CNTNAP2: variants seen among roughly 807,000 people sequenced by gnomAD.
CNTNAP2 encodes the protein contactin-associated protein-like 2.
In CNTNAP2, 98 loss-of-function variants were observed where a neutral mutation model predicts 155.2. The observed-to-expected ratio is 0.63, with a 90% CI of 0.54 to 0.75. The LOEUF is 0.75. Among genes scored for constraint, CNTNAP2 ranks in the 30% least tolerant of loss-of-function variants. The pLI is 0.00. For synonymous variants in CNTNAP2, 651 were observed against 631.2 expected, an observed-to-expected ratio of 1.03 and a Z score of -0.47; for missense variants, 1,727 against 1,688.1, an observed-to-expected ratio of 1.02 and a Z score of -0.40.
chr7:146,915,551 G>GT (rs1007756957), intron 3 of CNTNAP2, among the ~76,000 whole-genome samples: 4 of 151,830 alleles, frequency 2.6e-5, no homozygotes, highest in African/African-American at 9.7e-5. Context: ...TATATTCTAA[G>GT]TTTTTTTGTT....
Position 147,395,746 on chromosome 7 carries a change from A to G in CNTNAP2, c.1636A>G (p.Asn546Asp), listed in dbSNP as rs142149051. Residue 546 changes from asparagine (N) to aspartate (D), a missense_variant, in exon 10 of 24, where the codon AAT (asparagine) becomes GAT (aspartate). Asn to Asp is a conservative substitution (Grantham distance 23). Coordinates refer to ENST00000361727, the MANE Select transcript of CNTNAP2 (RefSeq NM_014141.6). ...ACAAAGGAAGCCGGGAAGTTTCGCG[A>G]ATGTCAGCATTGACATGTGTGCGAT... ...VAQRKPGSFA[N>D]VSIDMCAIID... The G allele has an allele frequency of 3.5e-5, 57 of 1,612,472 alleles. No individual in the cohort carries two copies. In the East Asian group the frequency reaches 1.2e-3, roughly 33 times the overall value.
At chr7:147,189,855 C>T (rs958830030) in intron 8 of CNTNAP2, among the ~76,000 whole-genome samples, 6 of 152,108 alleles carry the variant, frequency 3.9e-5, no homozygotes, top group African/African-American at 1.4e-4. Context: ...CACCATTCTC[C>T]TGCCTCAGCC....
rs1391723752 is a variant in CNTNAP2, at chr7:148,172,303, G to A, written c.2835G>A (p.Val945=). 3.1e-6 allele frequency: 5 copies of A among 1,614,040 alleles called. No individual in the cohort carries two copies. Residue 945 remains valine (V), a synonymous_variant, in exon 18 of 24, where the codon GTG becomes GTA. Coordinates refer to ENST00000361727, the MANE Select transcript of CNTNAP2 (RefSeq NM_014141.6). ...GCIRSLRMNG[V]TLDLEERAKV... ...TCCGCTCCTTGAGGATGAATGGGGT[G>A]ACACTTGACCTGGAGGAAAGAGCAA...
chr7:147,276,752 G>GT (rs1335286828), intron 8 of CNTNAP2, among the ~76,000 whole-genome samples: 1 of 151,644 alleles, frequency 6.6e-6, no homozygotes, highest in African/African-American at 2.4e-5. Flanking sequence ...ACTATGTTAG[G>GT]TTTTTTATAC....
chr7:146,332,941 ATTTTTTTT>A (rs4016094), intron 1 of CNTNAP2, among the ~76,000 whole-genome samples: 8 of 102,456 alleles, frequency 7.8e-5, no homozygotes, highest in Non-Finnish European at 1.4e-4. Context: ...TTCTTCTTCT[ATTTTTTTT>A]TTTTTTTTTT....
intron 1 of CNTNAP2, among the ~76,000 whole-genome samples, chr7:146,280,562 C>T (rs1397718205): frequency 6.6e-6 from 1 of 152,134 alleles, no homozygotes; most frequent in Non-Finnish European, 1.5e-5. Flanking sequence ...AATGAACCCT[C>T]ATTGGAGAGT....
At position 146,357,332 on chromosome 7, in the gene CNTNAP2, A is replaced by T. The variant is rs189089343; in HGVS notation, c.97+240359A>T. Among the ~76,000 whole-genome samples, 823 of 152,068 alleles carry T rather than the reference A, an allele frequency of 5.4e-3. 3 individuals are homozygous for T. The highest frequency in any genetic ancestry group is 0.01 in the Middle Eastern group (3 of 294). Reference sequence around the variant, plus strand: ...CCTTAAAAAATAAATGACCCTAATCATTGCTTTTTTCTAACATAAAATAAT... The same window carrying T: ...CCTTAAAAAATAAATGACCCTAATCTTTGCTTTTTTCTAACATAAAATAAT... On this transcript the variant is annotated intron_variant, in intron 1 of 23. Coordinates refer to ENST00000361727, the MANE Select transcript of CNTNAP2 (RefSeq NM_014141.6).
intron 9 of CNTNAP2, among the ~76,000 whole-genome samples, chr7:147,311,128 T>G (rs1795118235): frequency 6.6e-6 from 1 of 152,078 alleles, no homozygotes; most frequent in Admixed American, 6.6e-5. Flanking sequence ...GCAGGGTTCT[T>G]TTGCTAAAAC....
chr7:146,601,896 A>C (rs1452201718), intron 1 of CNTNAP2, among the ~76,000 whole-genome samples: 1 of 152,134 alleles, frequency 6.6e-6, no homozygotes, highest in Non-Finnish European at 1.5e-5. Flanking sequence ...TAAAAGATCT[A>C]AATGAACTAA....
rs1796807190 is a variant in CNTNAP2, at chr7:147,396,003, T to C, written c.1670+223T>C. Among the ~76,000 whole-genome samples, 8 of 148,994 alleles carry C rather than the reference T, an allele frequency of 5.4e-5. No individual in the cohort carries two copies. In the South Asian group the frequency reaches 1.7e-3, roughly 31 times the overall value. ...TCATATATCTATCATGTATATCATATATAGCATATATATGCTATATATGAG... is the reference window on the plus strand; with the variant it reads ...TCATATATCTATCATGTATATCATACATAGCATATATATGCTATATATGAG... On this transcript the variant is annotated intron_variant, in intron 10 of 23. Coordinates refer to ENST00000361727, the MANE Select transcript of CNTNAP2 (RefSeq NM_014141.6).
Position 147,632,936 on chromosome 7 carries a change from C to A in CNTNAP2, c.1898-6170C>A, listed in dbSNP as rs374489221. 2.0e-4 allele frequency among the ~76,000 whole-genome samples: 30 copies of A among 152,244 alleles called. No individual in the cohort carries two copies. The East Asian group carries it at 5.4e-3, about 28-fold the overall frequency. ...TGCAAAGAGACTGGTGGCATTTTGT[C>A]CCTGCCTCATTCAAGAGGAAGCAGA... On this transcript the variant is annotated intron_variant, in intron 12 of 23. Coordinates refer to ENST00000361727, the MANE Select transcript of CNTNAP2 (RefSeq NM_014141.6).
chr7:147,339,196 CA>C (rs200112329), intron 9 of CNTNAP2, among the ~76,000 whole-genome samples: 20 of 123,088 alleles, frequency 1.6e-4, no homozygotes, highest in Non-Finnish European at 3.1e-4. Flanking sequence ...GATTTGCTTC[CA>C]AAAAAAATGA....
intron 10 of CNTNAP2, among the ~76,000 whole-genome samples, chr7:147,419,683 T>C (rs773999206): frequency 1.3e-5 from 2 of 152,166 alleles, no homozygotes; most frequent in African/African-American, 2.4e-5. Flanking sequence ...CAGCTGGAGT[T>C]TCCCATTTAG....
chr7:146,990,566 C>A (rs542047254), intron 3 of CNTNAP2, among the ~76,000 whole-genome samples: 1 of 151,684 alleles, frequency 6.6e-6, no homozygotes, highest in South Asian at 2.1e-4. Flanking sequence ...TTTTTTCTCC[C>A]TGATTTCTCT....
At chr7:147,996,824 T>A (rs1181172336) in intron 15 of CNTNAP2, among the ~76,000 whole-genome samples, 2 of 152,226 alleles carry the variant, frequency 1.3e-5, no homozygotes, top group Admixed American at 1.3e-4. Context: ...AAAGGCTCAA[T>A]CAGTCATCAA....
At chr7:147,333,907 G>A (rs1795621858) in intron 9 of CNTNAP2, among the ~76,000 whole-genome samples, 1 of 152,134 alleles carries the variant, frequency 6.6e-6, no homozygotes, top group Non-Finnish European at 1.5e-5. Context: ...ATCGGTCCAG[G>A]GATGTGTGGC....
intron 1 of CNTNAP2, among the ~76,000 whole-genome samples, chr7:146,642,259 T>A (rs1224931440): frequency 6.6e-6 from 1 of 151,178 alleles, no homozygotes; most frequent in African/African-American, 2.4e-5. Flanking sequence ...CTGCACCCAT[T>A]AACTCATCAT....
At position 146,721,859 on chromosome 7, in the gene CNTNAP2, A is replaced by G. The variant is rs866460273; in HGVS notation, c.98-52412A>G. On this transcript the variant is annotated intron_variant, in intron 1 of 23. Coordinates refer to ENST00000361727, the MANE Select transcript of CNTNAP2 (RefSeq NM_014141.6). Reference sequence around the variant, plus strand: ...GTCTATATATATATTCTACATTTATATGTGTGTGTGTGTGTGTATATATAT... The same window carrying G: ...GTCTATATATATATTCTACATTTATGTGTGTGTGTGTGTGTGTATATATAT... Among the ~76,000 whole-genome samples, 105 of 92,694 alleles carry G rather than the reference A, an allele frequency of 1.1e-3. 2 individuals are homozygous for G. The highest frequency in any genetic ancestry group is 0.01 in the African/African-American group (93 of 9,026). The allele number at this position is 92,694 out of a possible 152,430, so 60.8% of individuals were successfully genotyped here.
intron 8 of CNTNAP2, among the ~76,000 whole-genome samples, chr7:147,168,264 C>T (rs1802159859): frequency 1.3e-5 from 2 of 151,240 alleles, no homozygotes; most frequent in South Asian, 2.1e-4. Context: ...ATGTATAAAA[C>T]TCAATTCAAA....
Sources: gnomAD v4.1 joint callset for allele counts (sites outside exome capture counted in the v4.1 genomes callset) on GRCh38, gnomAD v4.1.1 for gene constraint, MANE v1.5 for transcripts, NCBI Gene and HGNC (gene_info 2026-07-23, HGNC 2026-07-21) for gene names.